Variants in TXLNB observed in about 807,000 individuals in gnomAD.
TXLNB encodes the protein beta-taxilin.
Under a neutral mutation model 57.4 loss-of-function variants are expected in TXLNB, and 37 were observed. The observed-to-expected ratio is 0.64, with a 90% CI of 0.50 to 0.85. The LOEUF (loss-of-function observed/expected upper bound fraction) is 0.85, where lower values mean the gene tolerates loss of function less well. TXLNB is among the 40% of genes least tolerant of loss of function. The probability of loss-of-function intolerance (pLI) is 0.00; values close to 1 mark genes in which losing one functional copy is unlikely to be tolerated. For synonymous variants in TXLNB, 302 were observed against 309.6 expected (o/e 0.98, Z 0.26); for missense variants, 848 against 825.6 (o/e 1.03, Z -0.33).
intron 3 of TXLNB, among the ~76,000 whole-genome samples, chr6:139,275,188 G>A (rs911707308): frequency 2.6e-5 from 4 of 152,102 alleles, no homozygotes; most frequent in Non-Finnish European, 4.4e-5. Flanking sequence ...AAGCTAATAC[G>A]TGATGATGTT....
At chr6:139,288,987 G>T (rs55712380) in intron 1 of TXLNB, 74 bp from the exon 2 acceptor site, 292,784 of 1,116,222 alleles carry the variant, frequency 0.26, 39,983 homozygotes, top group South Asian at 0.3. Flanking sequence ...TCAATGGTAA[G>T]GATATCCCCC....
intron 4 of TXLNB, among the ~76,000 whole-genome samples, chr6:139,265,149 A>C (rs1245557487): frequency 6.6e-6 from 1 of 152,184 alleles, no homozygotes; most frequent in Non-Finnish European, 1.5e-5. Context: ...GTGAATTATT[A>C]ATTTATGTAC....
chr6:139,256,422 T>C (rs754875018), intron 6 of TXLNB, among the ~76,000 whole-genome samples: 4 of 152,190 alleles, frequency 2.6e-5, no homozygotes, highest in African/African-American at 9.7e-5. Context: ...CTCCGCCTCC[T>C]GGGTTCAAGC....
the TXLNB span, among the ~76,000 whole-genome samples, chr6:139,310,704 T>G: frequency 6.6e-6 from 1 of 151,998 alleles, no homozygotes; most frequent in Non-Finnish European, 1.5e-5. Context: ...TTTGGTTTGG[T>G]TTTTTTTGAG....
At chr6:139,257,059 T>C (rs1047572241) in intron 6 of TXLNB, among the ~76,000 whole-genome samples, 1 of 152,212 alleles carries the variant, frequency 6.6e-6, no homozygotes, top group South Asian at 2.1e-4. Context: ...TTTATCAATT[T>C]TGAGGTAGGG....
At chr6:139,177,274 C>T in the TXLNB span, 5 of 504,738 alleles carry the variant, frequency 9.9e-6, no homozygotes, top group South Asian at 6.2e-5. This position sits in a 1 kb window ranked among gnomAD's most constrained non-coding sequence, Gnocchi z 4.9. Context: ...TCTTGATTCC[C>T]GAGTGTTAAT....
chr6:139,277,092 G>A (rs1776918337), intron 2 of TXLNB, 171 bp from the exon 3 acceptor site: 1 of 550,740 alleles, frequency 1.8e-6, no homozygotes, highest in Non-Finnish European at 3.2e-6. Flanking sequence ...CTTACAGAGT[G>A]AACATTAGTT....
At chr6:139,163,349 A>G in the TXLNB span, among the ~76,000 whole-genome samples, 6 of 73,262 alleles carry the variant, frequency 8.2e-5, no homozygotes, top group Non-Finnish European at 1.6e-4. Context: ...GCAGTTCTCC[A>G]TTCTTTTTTT....
At chr6:139,304,605 CA>C in the TXLNB span, among the ~76,000 whole-genome samples, 1 of 152,056 alleles carries the variant, frequency 6.6e-6, no homozygotes, top group Non-Finnish European at 1.5e-5. Context: ...AATCTTCAGA[CA>C]AAAATGAATG....
intron 5 of TXLNB, among the ~76,000 whole-genome samples, chr6:139,260,943 C>T (rs546106847): frequency 3.9e-5 from 6 of 152,120 alleles, no homozygotes; most frequent in East Asian, 1.9e-4. Flanking sequence ...GCATGTGGTC[C>T]GAGGTCTGGG....
chr6:139,297,469 C>A, the TXLNB span, among the ~76,000 whole-genome samples: 1 of 152,154 alleles, frequency 6.6e-6, no homozygotes, highest in Non-Finnish European at 1.5e-5. Context: ...CACTTAAGAT[C>A]TTTTTCAAGT....
chr6:139,250,340 T>C (rs1188804663), intron 7 of TXLNB, among the ~76,000 whole-genome samples: 2 of 143,816 alleles, frequency 1.4e-5, no homozygotes, highest in Admixed American at 6.8e-5. Flanking sequence ...CTGTGTTTTT[T>C]CTTTCTTTCT....
At chr6:139,299,442 T>C in the TXLNB span, among the ~76,000 whole-genome samples, 1 of 152,194 alleles carries the variant, frequency 6.6e-6, no homozygotes, top group Admixed American at 6.5e-5. Context: ...TTAACTGAAA[T>C]GTCAACTGTT....
the TXLNB span, among the ~76,000 whole-genome samples, chr6:139,185,566 T>C: frequency 2.0e-5 from 3 of 152,008 alleles, no homozygotes; most frequent in East Asian, 5.8e-4. Flanking sequence ...CCGGACGTGG[T>C]GGTGGGCACC....
At chr6:139,321,135 T>C in the TXLNB span, among the ~76,000 whole-genome samples, 3 of 152,212 alleles carry the variant, frequency 2.0e-5, no homozygotes. Flanking sequence ...CCTGTCAGTG[T>C]AGAAGTGCCC....
downstream of TXLNB, chr6:139,237,507 T>TAAAAAAAAAAAAA (rs58158274): frequency 1.3e-5 from 1 of 77,596 alleles, no homozygotes; most frequent in Non-Finnish European, 2.6e-5. Context: ...AGACTCCATC[T>TAAAAAAAAAAAAA]AAAAAAAAAA....
chr6:139,191,274 C>G, the TXLNB span, among the ~76,000 whole-genome samples: 3 of 152,200 alleles, frequency 2.0e-5, no homozygotes, highest in African/African-American at 7.2e-5. Flanking sequence ...CAAACTTAGC[C>G]GGGCTTGGTG....
chr6:139,244,473 C>T (rs1018037750), intron 9 of TXLNB, 122 bp downstream of exon 9: 1 of 696,068 alleles, frequency 1.4e-6, no homozygotes. Flanking sequence ...CATCCTGCCA[C>T]CCCAAATTCA....
chr6:139,271,139 G>A (rs11155047), intron 3 of TXLNB, among the ~76,000 whole-genome samples: 2 of 151,914 alleles, frequency 1.3e-5, no homozygotes, highest in Non-Finnish European at 2.9e-5. Context: ...TCTTTATAAT[G>A]TTGGGCTCTG....
Sources: allele counts gnomAD v4.1 joint callset (sites outside exome capture counted in the v4.1 genomes callset), GRCh38; gene constraint gnomAD v4.1.1; non-coding constraint Gnocchi (gnomAD v3.1); transcripts MANE v1.5; gene names NCBI Gene and HGNC (gene_info 2026-07-23, HGNC 2026-07-21).